COX5B: variants seen among roughly 807,000 people sequenced by gnomAD.
COX5B encodes cytochrome c oxidase subunit 5B, mitochondrial.
COX5B carries 8 observed loss-of-function variants against 16.2 expected under a neutral mutation model. That is an observed-to-expected ratio of 0.49 (90% CI 0.29 to 0.89). The LOEUF (loss-of-function observed/expected upper bound fraction) is 0.89. Among genes scored for constraint, COX5B ranks in the 40% least tolerant of loss-of-function variants. The pLI, the probability that COX5B is intolerant of heterozygous loss-of-function variation, is 0.08. For missense variants in COX5B, 161 were observed against 168.7 expected, an observed-to-expected ratio of 0.95 and a Z score of 0.25; for synonymous variants, 65 against 67.6, an observed-to-expected ratio of 0.96 and a Z score of 0.19.
chr2:97,648,195 G>A lies in COX5B; in HGVS notation c.*87G>A. On this transcript the variant is annotated 3_prime_UTR_variant, in exon 4 of 4. Coordinates refer to ENST00000258424, the MANE Select transcript of COX5B (RefSeq NM_001862.3). ...CATTGCATTGGCTCCTTCTCCCATAGATGGCTGGTCTTATTTCTTACCCGT... is the reference window on the plus strand; with the variant it reads ...CATTGCATTGGCTCCTTCTCCCATAAATGGCTGGTCTTATTTCTTACCCGT... 1 of 1,098,600 alleles carries A rather than the reference G, an allele frequency of 9.1e-7. No individual in the cohort carries two copies. Among genetic ancestry groups the A allele is most frequent in the Non-Finnish European group, 1.3e-6 (1 of 775,458 alleles). The allele number at this position is 1,098,600 out of a possible 1,614,324, so 68.1% of individuals were successfully genotyped here. A position where few individuals can be genotyped will look rare whatever the true frequency, so the allele number is the denominator to read the frequency against.
chr2:97,647,481 A>T (rs878899850), intron 3 of COX5B, 38 bp downstream of exon 3: 1 of 1,527,570 alleles, frequency 6.5e-7, no homozygotes, highest in South Asian at 1.1e-5. Flanking sequence ...CACTTGCTTA[A>T]TATATCCTAC....
chr2:97,646,271 T>C, intron 1 of COX5B, 82 bp downstream of exon 1: 1 of 933,894 alleles, frequency 1.1e-6, no homozygotes, highest in Non-Finnish European at 1.6e-6. Flanking sequence ...GCGCGGCTCG[T>C]GCAGCTTCTC....
In COX5B at chr2:97,646,071, G is replaced by C. The variant is rs552545197; in HGVS notation, c.-16G>C. 6.5e-7 allele frequency: 1 copy of C among 1,548,316 alleles called. No homozygotes were observed. Among genetic ancestry groups the C allele is most frequent in the African/African-American group, 1.4e-5 (1 of 73,030 alleles). On this transcript the variant is annotated 5_prime_UTR_variant, in exon 1 of 4. Coordinates refer to ENST00000258424, the MANE Select transcript of COX5B (RefSeq NM_001862.3). ...GCAGCTTGTTCCCGGAAGTTTTGCTGCTAGTCGCGGACGCAATGGCTTCAA... is the reference window on the plus strand; with the variant it reads ...GCAGCTTGTTCCCGGAAGTTTTGCTCCTAGTCGCGGACGCAATGGCTTCAA...
intron 1 of COX5B, 188 bp from the exon 2 acceptor site, chr2:97,646,879 T>A: frequency 1.9e-6 from 1 of 538,554 alleles, no homozygotes; most frequent in Non-Finnish European, 3.3e-6. Flanking sequence ...CCCCGAGTGC[T>A]GCCGCTTGTG....
At chr2:97,646,264 C>T in intron 1 of COX5B, 75 bp downstream of exon 1, 1 of 1,027,182 alleles carries the variant, frequency 9.7e-7, no homozygotes, top group South Asian at 1.6e-5. Context: ...CAAAGCGGCG[C>T]GGCTCGTGCA....
intron 3 of COX5B, 44 bp downstream of exon 3, chr2:97,647,487 C>A: frequency 1.3e-6 from 2 of 1,499,056 alleles, no homozygotes; most frequent in Non-Finnish European, 1.9e-6. Context: ...CTTAATATAT[C>A]CTACAATAGT....
Position 97,647,157 on chromosome 2 carries a change from T to G in COX5B, c.177+17T>G, listed in dbSNP as rs754288432. 1 of 1,610,472 alleles carries G rather than the reference T, an allele frequency of 6.2e-7. No individual in the cohort carries two copies. Among genetic ancestry groups the G allele is most frequent in the Non-Finnish European group, 8.5e-7 (1 of 1,176,698 alleles). ...AAGGGACTGGTAAGGAGAAACTCCCTTCTGTGTCTTCTGTGTAACTTATGG... is the reference window on the plus strand; with the variant it reads ...AAGGGACTGGTAAGGAGAAACTCCCGTCTGTGTCTTCTGTGTAACTTATGG... On this transcript the variant is annotated intron_variant, in intron 2 of 3. Coordinates refer to ENST00000258424, the MANE Select transcript of COX5B (RefSeq NM_001862.3).
intron 3 of COX5B, 118 bp from the exon 4 acceptor site, chr2:97,647,878 C>G: frequency 3.3e-6 from 3 of 896,878 alleles, no homozygotes; most frequent in Non-Finnish European, 5.3e-6. Flanking sequence ...GAACTGATCT[C>G]TTAAGATATC....
intron 3 of COX5B, among the ~76,000 whole-genome samples, chr2:97,647,683 T>A (rs578231771): frequency 6.6e-6 from 1 of 152,198 alleles, no homozygotes; most frequent in Non-Finnish European, 1.5e-5. Context: ...ATATTTATTG[T>A]TATACTGCTT....
intron 1 of COX5B, 89 bp from the exon 2 acceptor site, chr2:97,646,978 C>T (rs555425458): frequency 8.1e-6 from 11 of 1,365,862 alleles, no homozygotes; most frequent in Non-Finnish European, 1.1e-5. Flanking sequence ...ACAGAAGTTT[C>T]GGGGCACCAT....
At chr2:97,647,582 C>T (rs1674681321) in intron 3 of COX5B, 139 bp downstream of exon 3, 9 of 761,544 alleles carry the variant, frequency 1.2e-5, no homozygotes, top group South Asian at 6.8e-5. Flanking sequence ...CCTCATTATG[C>T]CTGATAGTTC....
Sources: allele counts gnomAD v4.1 joint callset (sites outside exome capture counted in the v4.1 genomes callset), GRCh38; gene constraint gnomAD v4.1.1; transcripts MANE v1.5; gene names NCBI Gene and HGNC (gene_info 2026-07-23, HGNC 2026-07-21).